NALF1: variants seen among roughly 807,000 people sequenced by gnomAD.
NALF1 encodes NALCN channel auxiliary factor 1.
Under a neutral mutation model 48.4 loss-of-function variants are expected in NALF1, and 3 were observed. The observed-to-expected ratio is 0.06, with a 90% CI of 0.03 to 0.16. The LOEUF (loss-of-function observed/expected upper bound fraction) is 0.16. Ranked by LOEUF, NALF1 falls within the 10% of genes least tolerant of loss-of-function variation. The pLI, the probability that NALF1 is intolerant of heterozygous loss-of-function variation, is 1.00. For missense variants in NALF1, 526 were observed against 571.5 expected, an observed-to-expected ratio of 0.92 and a Z score of 0.81; for synonymous variants, 262 against 245.7, an observed-to-expected ratio of 1.07 and a Z score of -0.62.
At chr13:107,768,738 A>G (rs895668474) in intron 1 of NALF1, among the ~76,000 whole-genome samples, 2 of 152,228 alleles carry the variant, frequency 1.3e-5, no homozygotes, top group Non-Finnish European at 2.9e-5. Flanking sequence ...TTCAGAGTTT[A>G]GAAATGAACA....
intron 1 of NALF1, among the ~76,000 whole-genome samples, chr13:107,261,293 C>T (rs1174762420): frequency 6.6e-6 from 1 of 152,158 alleles, no homozygotes; most frequent in African/African-American, 2.4e-5. Context: ...TGTGTACCTT[C>T]CCTCCATCCC....
intron 1 of NALF1, among the ~76,000 whole-genome samples, chr13:107,573,459 T>C (rs985424678): frequency 6.6e-6 from 1 of 152,116 alleles, no homozygotes; most frequent in Non-Finnish European, 1.5e-5. Context: ...ACCTCTCTTC[T>C]TTTTACCAAT....
chr13:107,832,974 C>T (rs1879784724), intron 1 of NALF1, among the ~76,000 whole-genome samples: 1 of 152,194 alleles, frequency 6.6e-6, no homozygotes, highest in Non-Finnish European at 1.5e-5. Context: ...TGTAGCCTCC[C>T]CTCCCTCACA....
At chr13:107,632,751 CAT>C (rs542079875) in intron 1 of NALF1, among the ~76,000 whole-genome samples, 7 of 152,080 alleles carry the variant, frequency 4.6e-5, no homozygotes, top group Admixed American at 1.3e-4. Context: ...TGCAAGCACA[CAT>C]AGTTATATAT....
intron 1 of NALF1, among the ~76,000 whole-genome samples, chr13:107,212,307 C>G (rs1436850649): frequency 6.6e-6 from 1 of 152,250 alleles, no homozygotes; most frequent in East Asian, 1.9e-4. Context: ...CAATGGCTCA[C>G]AATCACCATG....
intron 1 of NALF1, among the ~76,000 whole-genome samples, chr13:107,300,398 G>T (rs2138892170): frequency 6.6e-6 from 1 of 152,190 alleles, no homozygotes; most frequent in South Asian, 2.1e-4. Flanking sequence ...AATCAGATGT[G>T]CTTGTTGTTT....
chr13:107,585,878 A>G (rs757515600), intron 1 of NALF1, among the ~76,000 whole-genome samples: 1 of 152,156 alleles, frequency 6.6e-6, no homozygotes, highest in Non-Finnish European at 1.5e-5. Context: ...AAAAATATCA[A>G]TTCTCTGAAA....
At chr13:107,818,401 G>A (rs1218744912) in intron 1 of NALF1, among the ~76,000 whole-genome samples, 2 of 152,156 alleles carry the variant, frequency 1.3e-5, no homozygotes, top group Admixed American at 6.5e-5. Flanking sequence ...AGGAATTGGA[G>A]ACACTGGAGG....
chr13:107,400,231 G>A (rs545662279), intron 1 of NALF1, among the ~76,000 whole-genome samples: 1 of 152,156 alleles, frequency 6.6e-6, no homozygotes, highest in South Asian at 2.1e-4. Context: ...GCACATATAG[G>A]CATGGATTAT....
At chr13:107,827,573 T>G (rs1566497651) in intron 1 of NALF1, among the ~76,000 whole-genome samples, 1 of 152,152 alleles carries the variant, frequency 6.6e-6, no homozygotes, top group Non-Finnish European at 1.5e-5. Flanking sequence ...AAACCCACCT[T>G]CCCGGGTCAG....
intron 1 of NALF1, among the ~76,000 whole-genome samples, chr13:107,752,116 T>A (rs566945092): frequency 6.6e-6 from 1 of 152,054 alleles, no homozygotes. Context: ...AGTAGTAACA[T>A]ATTGGCATGT....
At chr13:107,451,952 C>T (rs1018855701) in intron 1 of NALF1, among the ~76,000 whole-genome samples, 10 of 152,180 alleles carry the variant, frequency 6.6e-5, no homozygotes, top group Admixed American at 5.2e-4. Context: ...TCTGCAGGAC[C>T]TCTGTTTTAC....
intron 1 of NALF1, among the ~76,000 whole-genome samples, chr13:107,279,193 T>C (rs1881340662): frequency 6.6e-6 from 1 of 152,130 alleles, no homozygotes; most frequent in Admixed American, 6.6e-5. Flanking sequence ...ACTCTGTACT[T>C]CCCCTGGACA....
intron 1 of NALF1, among the ~76,000 whole-genome samples, chr13:107,577,181 G>A (rs568836038): frequency 5.9e-5 from 9 of 152,274 alleles, no homozygotes; most frequent in Admixed American, 2.0e-4. Context: ...GGTAGAAGGC[G>A]AAACTAACTT....
intron 2 of NALF1, among the ~76,000 whole-genome samples, chr13:107,171,708 A>T (rs976739735): frequency 1.3e-5 from 2 of 152,234 alleles, no homozygotes; most frequent in Non-Finnish European, 2.9e-5. Flanking sequence ...ACCTTGCTGT[A>T]TTACATAGAA....
chr13:107,487,830 T>C (rs1474116413), intron 1 of NALF1, among the ~76,000 whole-genome samples: 21 of 152,042 alleles, frequency 1.4e-4, no homozygotes, highest in Admixed American at 1.4e-3. Flanking sequence ...TTTCCCATTT[T>C]TTGGAATAGT....
At chr13:107,461,595 T>G (rs1373361756) in intron 1 of NALF1, among the ~76,000 whole-genome samples, 9 of 152,212 alleles carry the variant, frequency 5.9e-5, no homozygotes, top group Non-Finnish European at 1.3e-4. Flanking sequence ...CATATTTTGT[T>G]TTCAATTAGG....
rs192463928 is a variant in NALF1 at position 107,720,722 on chromosome 13, C to T, written c.915+144960G>A. ...AATTTGTTATTTTCACAAGCATTACCCAACTGCCTGCACTGTAGTTCTAAT... is the reference window on the plus strand; with the variant it reads ...AATTTGTTATTTTCACAAGCATTACTCAACTGCCTGCACTGTAGTTCTAAT... On this transcript the variant is annotated intron_variant, in intron 1 of 2. Coordinates refer to ENST00000375915, the MANE Select transcript of NALF1 (RefSeq NM_001080396.3). 2.3e-3 allele frequency among the ~76,000 whole-genome samples: 349 copies of T among 152,140 alleles called. 2 individuals carry two copies. Among genetic ancestry groups the T allele is most frequent in the Non-Finnish European group, 4.0e-3 (271 of 67,996 alleles).
At chr13:107,850,535 T>C (rs1880282109) in intron 1 of NALF1, among the ~76,000 whole-genome samples, 1 of 152,226 alleles carries the variant, frequency 6.6e-6, no homozygotes, top group South Asian at 2.1e-4. Context: ...AGCTTCTTCC[T>C]TGTTTTACTG....
Sources: gnomAD v4.1 joint callset for allele counts (sites outside exome capture counted in the v4.1 genomes callset) on GRCh38, gnomAD v4.1.1 for gene constraint, MANE v1.5 for transcripts, NCBI Gene and HGNC (gene_info 2026-07-23, HGNC 2026-07-21) for gene names.